Variants in TSPEAR observed in about 807,000 individuals in gnomAD.
TSPEAR encodes thrombospondin-type laminin G domain and EAR repeat-containing protein.
TSPEAR carries 69 observed loss-of-function variants against 71.6 expected under a neutral mutation model. That is an observed-to-expected ratio of 0.96 (90% CI 0.79 to 1.18). The LOEUF (loss-of-function observed/expected upper bound fraction) is 1.18. TSPEAR is among the 50% of genes most tolerant of loss of function. The pLI, the probability that TSPEAR is intolerant of heterozygous loss-of-function variation, is 0.00. For missense variants in TSPEAR, 971 were observed against 894.9 expected, an observed-to-expected ratio of 1.09 and a Z score of -1.09; for synonymous variants, 402 against 387.2, an observed-to-expected ratio of 1.04 and a Z score of -0.45.
chr21:44,676,641 A>G (rs1361296242), intron 1 of TSPEAR: 17 of 765,556 alleles, frequency 2.2e-5, no homozygotes, highest in Non-Finnish European at 1.5e-5. Context: ...CCTGTTCTTG[A>G]ACCCTAAGGA....
chr21:44,630,260 T>C (rs1240015165), intron 1 of TSPEAR, among the ~76,000 whole-genome samples: 1 of 152,178 alleles, frequency 6.6e-6, no homozygotes, highest in Non-Finnish European at 1.5e-5. Flanking sequence ...AGCACAGTAG[T>C]GACGGCTTCC....
At position 44,593,469 on chromosome 21, in the gene TSPEAR, C is replaced by T. The variant is rs433593; in HGVS notation, c.83-25464G>A. Among the ~76,000 whole-genome samples, 1,979 of 152,298 alleles carry T rather than the reference C, an allele frequency of 0.013. 17 individuals are homozygous for T. The highest frequency in any genetic ancestry group is 0.022 in the Non-Finnish European group (1,470 of 68,020). Reference sequence around the variant, plus strand: ...AGTTGATCTCACTGCAAACCCATTGCCAGTGTAAACGAAACATAAAATCCT... The same window carrying T: ...AGTTGATCTCACTGCAAACCCATTGTCAGTGTAAACGAAACATAAAATCCT... On this transcript the variant is annotated intron_variant, in intron 1 of 11. Transcript: ENST00000323084. The surrounding 1 kb of genome is among the most constrained non-coding windows in gnomAD (Gnocchi z 5.9).
chr21:44,629,012 G>T (rs1394556743), intron 1 of TSPEAR, among the ~76,000 whole-genome samples: 1 of 152,160 alleles, frequency 6.6e-6, no homozygotes, highest in East Asian at 1.9e-4. Flanking sequence ...GTGTGGGAAT[G>T]TGTCCAGACC....
chr21:44,517,832 G>A (rs781987437), intron 9 of TSPEAR: 18 of 471,250 alleles, frequency 3.8e-5, no homozygotes, highest in Admixed American at 3.5e-4. Flanking sequence ...TGTGTGCTTT[G>A]AAGGTAACTT....
rs369022504 is a variant in TSPEAR at position 44,524,019 on chromosome 21, AGTCAGGTAGTTAGTCAGTT to A, written c.1336+1615_1336+1633del. On this transcript the variant is annotated intron_variant, in intron 8 of 11. Transcript: ENST00000323084. The stretch of plus-strand genomic sequence containing the variant: ...GTAGTCAGTCAGGTAGTTAGTCATC[AGTCAGGTAGTTAGTCAGTT>A]GTCAGGTAGTCACTCAGTCATCAGT... 2.9e-3 allele frequency among the ~76,000 whole-genome samples: 432 copies of A among 151,158 alleles called. 2 individuals are homozygous for A. Among genetic ancestry groups the A allele is most frequent in the African/African-American group, 0.01 (413 of 41,146 alleles).
chr21:44,539,324 G>A lies in TSPEAR; in HGVS notation c.304-5401C>T, dbSNP rs782609236. The A allele has an allele frequency of 7.4e-5, 119 of 1,611,688 alleles. 1 individual carries two copies. Among genetic ancestry groups the A allele is most frequent in the South Asian group, 7.0e-4 (64 of 90,922 alleles). On this transcript the variant is annotated intron_variant, in intron 2 of 11. Transcript: ENST00000323084. Reference sequence around the variant, plus strand: ...GCCTCAGCAGGCCGGGCGGGAGCACGCGGGGCGGCAGAGGAGGGACACGCA... The same window carrying A: ...GCCTCAGCAGGCCGGGCGGGAGCACACGGGGCGGCAGAGGAGGGACACGCA...
intron 2 of TSPEAR, chr21:44,558,498 C>T (rs375193088): frequency 8.6e-5 from 138 of 1,613,910 alleles, no homozygotes; most frequent in South Asian, 6.5e-4. Flanking sequence ...CGTGCAGGAG[C>T]TGGTGCAGCC....
At chr21:44,585,570 T>C (rs1601448012) in intron 1 of TSPEAR, among the ~76,000 whole-genome samples, 1 of 152,206 alleles carries the variant, frequency 6.6e-6, no homozygotes, top group East Asian at 1.9e-4. Flanking sequence ...GCTTCATCTC[T>C]TTGTCCTTCT....
intron 1 of TSPEAR, among the ~76,000 whole-genome samples, chr21:44,599,576 C>T (rs1855481167): frequency 6.6e-6 from 1 of 152,262 alleles, no homozygotes; most frequent in African/African-American, 2.4e-5. Context: ...TACCCCTTCA[C>T]TTTCACATTC....
intron 1 of TSPEAR, among the ~76,000 whole-genome samples, chr21:44,664,015 A>G (rs1985625853): frequency 6.6e-6 from 1 of 152,194 alleles, no homozygotes; most frequent in African/African-American, 2.4e-5. Context: ...TAATGATGAA[A>G]GACTATATGC....
At chr21:44,676,373 C>G in intron 1 of TSPEAR, 1 of 1,124,998 alleles carries the variant, frequency 8.9e-7, no homozygotes, top group South Asian at 1.2e-5. Flanking sequence ...CCCAGTGGGA[C>G]AGCAGGCATT....
chr21:44,650,960 G>A (rs1984751622), intron 1 of TSPEAR, among the ~76,000 whole-genome samples: 1 of 152,186 alleles, frequency 6.6e-6, no homozygotes. Flanking sequence ...AGGACAGGGT[G>A]ACACTCCCTG....
At chr21:44,611,634 A>G (rs937162403) in intron 1 of TSPEAR, among the ~76,000 whole-genome samples, 11 of 152,182 alleles carry the variant, frequency 7.2e-5, no homozygotes, top group African/African-American at 2.7e-4. Context: ...CCTAGCCGAG[A>G]CACCCATTGT....
intron 1 of TSPEAR, among the ~76,000 whole-genome samples, chr21:44,653,456 G>A (rs12483360): frequency 0.49 from 74,476 of 152,014 alleles, 18,233 homozygotes; most frequent in South Asian, 0.56. Context: ...AGCTGCCCCC[G>A]GCTAGAAACC....
intron 1 of TSPEAR, among the ~76,000 whole-genome samples, chr21:44,581,545 C>T (rs1019031415): frequency 4.6e-5 from 7 of 152,198 alleles, no homozygotes; most frequent in Non-Finnish European, 7.3e-5. Context: ...TCTCTCTCTC[C>T]GTTTAACTCT....
chr21:44,557,817 G>A, intron 2 of TSPEAR: 1 of 593,418 alleles, frequency 1.7e-6, no homozygotes. Context: ...TTTATTTGTT[G>A]ACAGACTGAT....
intron 1 of TSPEAR, chr21:44,591,804 G>A (rs782102494): frequency 6.3e-7 from 1 of 1,587,268 alleles, no homozygotes; most frequent in East Asian, 2.4e-5. Flanking sequence ...GCACGCAGCA[G>A]GCCTGCTGGC....
At chr21:44,514,275 T>C (rs1555913072) in intron 9 of TSPEAR, among the ~76,000 whole-genome samples, 1 of 152,232 alleles carries the variant, frequency 6.6e-6, no homozygotes, top group Non-Finnish European at 1.5e-5. Context: ...AAGCACCACA[T>C]GGCTGCCTGC....
At chr21:44,594,822 ATTTTTTT>A (rs34221889) in intron 1 of TSPEAR, among the ~76,000 whole-genome samples, 2 of 125,538 alleles carry the variant, frequency 1.6e-5, no homozygotes, top group Non-Finnish European at 3.2e-5. Context: ...CGGATCTGTG[ATTTTTTT>A]TTTTTTTTTT....
Sources: gnomAD v4.1 joint callset for allele counts (sites outside exome capture counted in the v4.1 genomes callset) on GRCh38, gnomAD v4.1.1 for gene constraint, Gnocchi (gnomAD v3.1) non-coding constraint, MANE v1.5 for transcripts, NCBI Gene and HGNC (gene_info 2026-07-23, HGNC 2026-07-21) for gene names.